Variants in DCHS2 observed in about 807,000 individuals in gnomAD.
DCHS2 encodes the protein protocadherin-23.
In DCHS2, 142 loss-of-function variants were observed where a neutral mutation model predicts 182.4. The ratio of observed to expected loss-of-function variants is 0.78; its 90% CI spans 0.68 to 0.89. The LOEUF (loss-of-function observed/expected upper bound fraction) is 0.89. DCHS2 is among the 40% of genes least tolerant of loss of function. The pLI, the probability that DCHS2 is intolerant of heterozygous loss-of-function variation, is 0.00. For missense variants in DCHS2, 4,319 were observed against 4,198.6 expected (o/e 1.03, Z -0.79); for synonymous variants, 1,740 against 1,663.3 (o/e 1.05, Z -1.12).
intron 1 of DCHS2, among the ~76,000 whole-genome samples, chr4:154,447,347 T>A (rs1217927212): frequency 2.0e-5 from 3 of 152,138 alleles, no homozygotes; most frequent in Non-Finnish European, 4.4e-5. Context: ...AAGTGGTTTA[T>A]ATCAATGTCT....
chr4:154,469,805 C>A (rs1735385261), intron 1 of DCHS2, among the ~76,000 whole-genome samples: 1 of 152,202 alleles, frequency 6.6e-6, no homozygotes. Context: ...CCTTATCATT[C>A]AGTTCTCAAC....
At chr4:154,326,800 A>G (rs902600637) in intron 7 of DCHS2, among the ~76,000 whole-genome samples, 1 of 152,162 alleles carries the variant, frequency 6.6e-6, no homozygotes, top group Admixed American at 6.5e-5. Context: ...AATTTTATAA[A>G]TTAAGACTGG....
In DCHS2 at chr4:154,255,585, A is replaced by G; in HGVS notation, c.6875T>C (p.Ile2292Thr). 6.2e-7 allele frequency: 1 copy of G among 1,614,034 alleles called. No individual in the cohort carries two copies. The highest frequency in any genetic ancestry group is 8.5e-7 in the Non-Finnish European group (1 of 1,179,964). The change falls in exon 16 of 20, where the codon ATT (isoleucine) becomes ACT (threonine). Residue 2292 changes from isoleucine to threonine, a missense_variant. Ile to Thr is a moderately conservative substitution (Grantham distance 89). Transcript: ENST00000357232. Reference protein sequence around the residue: ...LSGNQEEAFQIDALSGVITTK... With the variant: ...LSGNQEEAFQTDALSGVITTK... ...TGTTATCACACCACTCAGTGCATCA[A>G]TCTGGAATGCTTCTTCTTGGTTGCC... is the stretch of plus-strand genomic sequence containing the variant.
chr4:154,463,522 T>C (rs1056193160), intron 1 of DCHS2, among the ~76,000 whole-genome samples: 2 of 152,114 alleles, frequency 1.3e-5, no homozygotes, highest in Non-Finnish European at 2.9e-5. Context: ...ATTTCAAAAC[T>C]CTTTAACGAA....
intron 3 of DCHS2, among the ~76,000 whole-genome samples, chr4:154,347,117 G>A (rs1052668737): frequency 2.6e-5 from 4 of 151,114 alleles, no homozygotes; most frequent in African/African-American, 2.5e-5. Flanking sequence ...CATTTGTAAC[G>A]TTTTTAATCC....
In DCHS2 at chr4:154,351,302, T is replaced by A. The variant is rs547174773; in HGVS notation, c.2476+14908A>T. 2.2e-4 allele frequency among the ~76,000 whole-genome samples: 34 copies of A among 151,974 alleles called. 1 individual carries two copies. Among genetic ancestry groups the A allele is most frequent in the Middle Eastern group, 6.8e-3 (2 of 294 alleles). ...CTCTCAATGGGAGTGTAAAGAGGAG[T>A]TGTGTGGGCAAATTTGGAGGGGGTT... On this transcript the variant is annotated intron_variant, in intron 3 of 19. Coordinates refer to ENST00000357232, the MANE Select transcript of DCHS2 (RefSeq NM_001358235.2).
At chr4:154,254,449 T>G (rs2111151978) in intron 16 of DCHS2, among the ~76,000 whole-genome samples, 1 of 152,342 alleles carries the variant, frequency 6.6e-6, no homozygotes, top group South Asian at 2.1e-4. Flanking sequence ...CTTTCTTTTG[T>G]AAAATCAGCT....
intron 1 of DCHS2, among the ~76,000 whole-genome samples, chr4:154,481,728 A>G (rs1412600933): frequency 6.6e-6 from 1 of 152,188 alleles, no homozygotes; most frequent in African/African-American, 2.4e-5. Context: ...GGTGAATCCC[A>G]TTATCATCCC....
In DCHS2 at chr4:154,325,316, C is replaced by CATGTGTGTGTGTGT. The variant is rs555546818; in HGVS notation, c.4018+2776_4018+2777insACACACACACACAT. Among the ~76,000 whole-genome samples, 212 of 142,762 alleles carry CATGTGTGTGTGTGT rather than the reference C, an allele frequency of 1.5e-3. 1 individual carries two copies. Among genetic ancestry groups the CATGTGTGTGTGTGT allele is most frequent in the African/African-American group, 5.3e-3 (203 of 38,284 alleles). 93.7% of individuals were successfully genotyped at this position (142,762 alleles called of 152,430 possible). ...AGTGGTATTATAGCAGGATTATAGC[C>CATGTGTGTGTGTGT]GTGTGTGTGTGTGTGTGTGTGTGTG... On this transcript the variant is annotated intron_variant, in intron 7 of 19. Transcript: ENST00000357232.
chr4:154,374,983 G>A (rs1730821302), intron 2 of DCHS2, among the ~76,000 whole-genome samples: 1 of 152,120 alleles, frequency 6.6e-6, no homozygotes, highest in Non-Finnish European at 1.5e-5. Flanking sequence ...GTCAAGAATA[G>A]TCAAGGTAAT....
chr4:154,418,003 T>C (rs1456775827), intron 1 of DCHS2, among the ~76,000 whole-genome samples: 1 of 152,252 alleles, frequency 6.6e-6, no homozygotes, highest in East Asian at 1.9e-4. Context: ...CCTTAAATGA[T>C]ATTAGTAGGA....
At chr4:154,323,376 C>T (rs1434779439) in intron 7 of DCHS2, 1 of 1,540,710 alleles carries the variant, frequency 6.5e-7, no homozygotes, top group Non-Finnish European at 8.7e-7. Context: ...GTTACCCAGG[C>T]TGGAGCGCAA....
intron 3 of DCHS2, among the ~76,000 whole-genome samples, chr4:154,341,439 A>G (rs964227150): frequency 3.9e-5 from 6 of 152,022 alleles, no homozygotes; most frequent in Admixed American, 3.9e-4. Flanking sequence ...CTAACCATAC[A>G]AGGTAAATCT....
intron 1 of DCHS2, among the ~76,000 whole-genome samples, 193 bp downstream of exon 1, chr4:154,489,111 G>T (rs1317047843): frequency 8.7e-6 from 1 of 115,408 alleles, no homozygotes; most frequent in African/African-American, 3.0e-5. Flanking sequence ...AGATCATGTA[G>T]CCAAGACCCT....
Position 154,235,691 on chromosome 4 carries a change from C to T in DCHS2, c.8961G>A (p.Leu2987=). Residue 2987 remains leucine, a synonymous_variant, in exon 20 of 20, where the codon TTG becomes TTA. Transcript: ENST00000357232. Reference sequence around the variant, plus strand: ...TTGAAAAGCTGCTGGCGAACACTGCCAAGGGTGTTCCTTCAGAGGAGAAAG... The same window carrying T: ...TTGAAAAGCTGCTGGCGAACACTGCTAAGGGTGTTCCTTCAGAGGAGAAAG... The part of the protein sequence containing the change: ...NVSFSSEGTP[L]AVFASSFSIS... 6.2e-7 allele frequency: 1 copy of T among 1,613,982 alleles called. No individual in the cohort carries two copies. Among genetic ancestry groups the T allele is most frequent in the Non-Finnish European group, 8.5e-7 (1 of 1,179,972 alleles).
rs1161420680 is a variant in DCHS2 at position 154,332,958 on chromosome 4, A to T, written c.3250T>A (p.Phe1084Ile). 6.2e-7 allele frequency: 1 copy of T among 1,614,066 alleles called. No homozygotes were observed. The highest frequency in any genetic ancestry group is 1.3e-5 in the African/African-American group (1 of 74,936). ...TCCACTTGATAGACCAAATGTTCGA[A>T]AGTCCAGGATGGGCTGTGTTCGCGT... ...EKREHSPSWTFEHLVYQVEVS... is the reference protein window; with the variant it reads ...EKREHSPSWTIEHLVYQVEVS... The change falls in exon 5 of 20, where the codon TTC becomes ATC. Residue 1084 changes from phenylalanine (F) to isoleucine (I), a missense_variant. By Grantham distance (21) the Phe-to-Ile change is conservative (BLOSUM62 0). Transcript: ENST00000357232.
At chr4:154,436,103 C>A (rs1435641453) in intron 1 of DCHS2, among the ~76,000 whole-genome samples, 1 of 152,176 alleles carries the variant, frequency 6.6e-6, no homozygotes, top group Non-Finnish European at 1.5e-5. Flanking sequence ...GAAATCCTGT[C>A]AGGGGGTTCC....
intron 1 of DCHS2, among the ~76,000 whole-genome samples, chr4:154,381,689 C>G (rs541641948): frequency 3.4e-4 from 51 of 151,984 alleles, no homozygotes; most frequent in African/African-American, 1.2e-3. Context: ...TTTACAATAG[C>G]CACCAAAAAA....
In DCHS2 at chr4:154,264,293, A is replaced by C. The variant is rs1035168620; in HGVS notation, c.6578-4537T>G. Among the ~76,000 whole-genome samples the C allele has an allele frequency of 2.0e-5, 3 of 152,180 alleles. No individual in the cohort carries two copies. In the East Asian group the frequency reaches 5.8e-4, roughly 29 times the overall value. ...AAACCCATAGACAACAGAACCAAAC[A>C]TCAAAGGCTTCAGATGCAGGAATTG... On this transcript the variant is annotated intron_variant, in intron 14 of 19. Coordinates refer to ENST00000357232, the MANE Select transcript of DCHS2 (RefSeq NM_001358235.2).
Sources: allele counts gnomAD v4.1 joint callset (sites outside exome capture counted in the v4.1 genomes callset), GRCh38; gene constraint gnomAD v4.1.1; transcripts MANE v1.5; gene names NCBI Gene and HGNC (gene_info 2026-07-23, HGNC 2026-07-21).